Variants in ACACA observed in about 807,000 individuals in gnomAD.
The protein encoded by ACACA is acetyl-CoA carboxylase alpha.
In ACACA, 103 loss-of-function variants were observed where a neutral mutation model predicts 296.1. The ratio of observed to expected loss-of-function variants is 0.35; its 90% CI spans 0.30 to 0.41. ACACA has a LOEUF of 0.41. ACACA is among the 10% of genes least tolerant of loss of function. ACACA has a pLI of 1.00. For synonymous variants in ACACA, 953 were observed against 1,038.6 expected (o/e 0.92, Z 1.58); for missense variants, 1,554 against 2,989.7 (o/e 0.52, Z 11.20).
Position 37,368,418 on chromosome 17 carries a change from T to C in ACACA, c.39-28568A>G, listed in dbSNP as rs372046829. On this transcript the variant is annotated intron_variant, in intron 1 of 55. Coordinates refer to ENST00000616317, the MANE Select transcript of ACACA (RefSeq NM_198834.3). ...CAACATGGTGAAACCCTGTCTCTACTAAAAATACAAAAATTAGCTGGGCAT... is the reference window on the plus strand; with the variant it reads ...CAACATGGTGAAACCCTGTCTCTACCAAAAATACAAAAATTAGCTGGGCAT... 3.3e-5 allele frequency among the ~76,000 whole-genome samples: 5 copies of C among 152,124 alleles called. No homozygotes were observed. In the South Asian group the frequency reaches 8.3e-4, roughly 25 times the overall value.
intron 50 of ACACA, among the ~76,000 whole-genome samples, chr17:37,116,343 T>C (rs1212374375): frequency 6.6e-6 from 1 of 152,188 alleles, no homozygotes; most frequent in Non-Finnish European, 1.5e-5. Context: ...GGTACTCTGC[T>C]TTCCAACATC....
At position 37,330,286 on chromosome 17, in the gene ACACA, C is replaced by A; in HGVS notation, c.225G>T (p.Lys75Asn). 6.2e-7 allele frequency: 1 copy of A among 1,614,224 alleles called. No homozygotes were observed. Among genetic ancestry groups the A allele is most frequent in the South Asian group, 1.1e-5 (1 of 91,082 alleles). ...NSEDEISNLV[K>N]LDLLEEKEGS... Reference sequence around the variant, plus strand: ...CCTCCTTCTCCTCCAGTAGGTCCAACTTCACCAGGTTGCTGATCTCATCCT... The same window carrying A: ...CCTCCTTCTCCTCCAGTAGGTCCAAATTCACCAGGTTGCTGATCTCATCCT... The change falls in exon 3 of 56, where the codon AAG becomes AAT. Residue 75 changes from lysine to asparagine, a missense_variant. This residue lies in a region of ACACA where 140 missense variants were observed against 147.7 expected (regional missense o/e 0.95). Transcript: ENST00000616317.
intron 3 of ACACA, among the ~76,000 whole-genome samples, chr17:37,305,917 T>G (rs1031985527): frequency 1.2e-4 from 18 of 147,384 alleles, no homozygotes; most frequent in South Asian, 6.7e-4. Flanking sequence ...TTTTTTTTTT[T>G]TTTTTTTTTG....
At position 37,287,828 on chromosome 17, in the gene ACACA, A is replaced by G. The variant is rs141181754; in HGVS notation, c.339-2858T>C. Among the ~76,000 whole-genome samples, 765 of 152,012 alleles carry G rather than the reference A, an allele frequency of 5.0e-3. 3 individuals carry two copies. The highest frequency in any genetic ancestry group is 0.017 in the African/African-American group (711 of 41,502). ...TTGCCTACTAGACTTAAGGACAGAC[A>G]TAACAAAGGCTATGCACTCTGCTGT... On this transcript the variant is annotated intron_variant, in intron 3 of 55. Transcript: ENST00000616317.
chr17:37,114,762 A>G (rs1433560460), intron 50 of ACACA, among the ~76,000 whole-genome samples: 2 of 152,166 alleles, frequency 1.3e-5, no homozygotes, highest in Non-Finnish European at 2.9e-5. Context: ...TGGAGCCACA[A>G]TGGATCCTTT....
intron 39 of ACACA, among the ~76,000 whole-genome samples, chr17:37,184,964 C>A (rs760003869): frequency 4.6e-5 from 7 of 151,986 alleles, no homozygotes; most frequent in Non-Finnish European, 1.0e-4. Flanking sequence ...GTAAAATAAG[C>A]TAGACACAAA....
chr17:37,192,796 T>C (rs1042158783), intron 36 of ACACA, among the ~76,000 whole-genome samples: 2 of 152,198 alleles, frequency 1.3e-5, no homozygotes, highest in Non-Finnish European at 2.9e-5. Context: ...ATTAAAGAGA[T>C]ATTTGGCTTT....
intron 1 of ACACA, among the ~76,000 whole-genome samples, chr17:37,354,917 C>T (rs563565805): frequency 6.6e-6 from 1 of 151,292 alleles, no homozygotes; most frequent in Non-Finnish European, 1.5e-5. Context: ...GGTGACACAG[C>T]GAGAGAATCT....
intron 45 of ACACA, among the ~76,000 whole-genome samples, chr17:37,135,480 A>G (rs933202496): frequency 2.0e-5 from 3 of 152,182 alleles, no homozygotes; most frequent in Non-Finnish European, 2.9e-5. Flanking sequence ...ACCATTTGCT[A>G]TAAGACCAAA....
rs2072190415 is a variant in ACACA at position 37,086,280 on chromosome 17, C to T, written c.*1036G>A. ...ACCGTTAGCTGCTAGGACAGTAATC[C>T]TGGAACTAGGGAAGAGTGAGTGTGG... On this transcript the variant is annotated 3_prime_UTR_variant, in exon 56 of 56. Coordinates refer to ENST00000616317, the MANE Select transcript of ACACA (RefSeq NM_198834.3). The T allele has an allele frequency of 6.5e-6, 1 of 153,828 alleles. No individual in the cohort carries two copies. Among genetic ancestry groups the T allele is most frequent in the Admixed American group, 6.5e-5 (1 of 15,332 alleles). The allele number at this position is 153,828 out of a possible 1,614,324, so 9.5% of individuals were successfully genotyped here.
intron 54 of ACACA, among the ~76,000 whole-genome samples, chr17:37,094,382 A>G (rs953843524): frequency 6.6e-6 from 1 of 152,204 alleles, no homozygotes; most frequent in Non-Finnish European, 1.5e-5. Flanking sequence ...TAAGAAAACA[A>G]ATTCTCTGGG....
At position 37,223,611 on chromosome 17, in the gene ACACA, A is replaced by G. The variant is rs192888791; in HGVS notation, c.3475-10T>C. ...CTGATAGGATGAGTTTCTAGAAGAT[A>G]CAAAGACAGGCTTAAGCCTTACATC... is the stretch of plus-strand genomic sequence containing the variant. On this transcript the variant is annotated splice_polypyrimidine_tract_variant and intron_variant, in intron 27 of 55. Transcript: ENST00000616317. 3,688 of 1,563,858 alleles carry G rather than the reference A, an allele frequency of 2.4e-3. 8 individuals are homozygous for G. The highest frequency in any genetic ancestry group is 3.2e-3 in the South Asian group (287 of 90,030).
At chr17:37,328,898 G>A in intron 3 of ACACA, 1 of 398,558 alleles carries the variant, frequency 2.5e-6, no homozygotes, top group Non-Finnish European at 4.4e-6. Context: ...AATCTCTGGG[G>A]ATGGGGCTTA....
chr17:37,296,730 T>C (rs1458017984), intron 3 of ACACA, among the ~76,000 whole-genome samples: 1 of 152,106 alleles, frequency 6.6e-6, no homozygotes, highest in Non-Finnish European at 1.5e-5. Flanking sequence ...ATTTTGTGTG[T>C]GTGTGAGGCA....
intron 45 of ACACA, among the ~76,000 whole-genome samples, chr17:37,137,839 C>G (rs1168847656): frequency 6.6e-6 from 1 of 152,106 alleles, no homozygotes; most frequent in African/African-American, 2.4e-5. Flanking sequence ...CATAAACCTG[C>G]TTTATCTATT....
rs1232079410 is a variant in ACACA at position 37,270,893 on chromosome 17, A to G, written c.1009-32T>C. 4 of 1,549,002 alleles carry G rather than the reference A, an allele frequency of 2.6e-6. No individual in the cohort carries two copies. In the African/African-American group the frequency reaches 5.4e-5, roughly 21 times the overall value. ...AAAGAAAGAAAAAAAAAATAGAAGA[A>G]ACAGTGTTATTACCAGGGAAGGAGA... On this transcript the variant is annotated intron_variant, in intron 9 of 55. Coordinates refer to ENST00000616317, the MANE Select transcript of ACACA (RefSeq NM_198834.3).
chr17:37,375,214 C>T (rs553767482), intron 1 of ACACA, among the ~76,000 whole-genome samples: 4 of 145,732 alleles, frequency 2.7e-5, no homozygotes, highest in South Asian at 4.4e-4. Context: ...AGGCCAGGCA[C>T]GGTGGCTCAT....
chr17:37,244,773 T>C (rs535932561), intron 20 of ACACA, 39 bp from the exon 21 acceptor site: 4 of 1,613,812 alleles, frequency 2.5e-6, no homozygotes, highest in Admixed American at 3.3e-5. Flanking sequence ...TCTACTACTT[T>C]TGATCTAAGG....
intron 55 of ACACA, among the ~76,000 whole-genome samples, chr17:37,088,116 T>C (rs914119286): frequency 1.4e-4 from 22 of 152,174 alleles, no homozygotes; most frequent in Admixed American, 1.4e-3. Context: ...CCAGAGTGCC[T>C]CACCTGCATC....
Sources: gnomAD v4.1 joint callset for allele counts (sites outside exome capture counted in the v4.1 genomes callset) on GRCh38, gnomAD v4.1.1 for gene constraint, gnomAD v4.1.1 regional missense constraint, MANE v1.5 for transcripts, NCBI Gene and HGNC (gene_info 2026-07-23, HGNC 2026-07-21) for gene names.